The following RIOK2 variants were observed in gnomAD, a reference collection of about 807,000 sequenced individuals.
RIOK2 encodes the protein RIO kinase 2.
A neutral mutation model predicts 62.4 loss-of-function variants in RIOK2; 46 were observed. The ratio of observed to expected loss-of-function variants is 0.74; its 90% CI spans 0.58 to 0.94. The LOEUF (loss-of-function observed/expected upper bound fraction) is 0.94, where lower values mean the gene tolerates loss of function less well. Among genes scored for constraint, RIOK2 ranks in the 40% least tolerant of loss-of-function variants. RIOK2 has a pLI of 0.00. For missense variants in RIOK2, 574 were observed against 658.0 expected (o/e 0.87, Z 1.40); for synonymous variants, 197 against 216.0 (o/e 0.91, Z 0.77).
rs969227902 is a variant in RIOK2 at position 97,161,240 on chromosome 5, G to C, written c.*1821C>G. 5 of 152,026 alleles carry C rather than the reference G, an allele frequency of 3.3e-5. No homozygotes were observed. The highest frequency in any genetic ancestry group is 7.4e-5 in the Non-Finnish European group (5 of 68,000). 9.4% of individuals were successfully genotyped at this position (152,026 alleles called of 1,614,324 possible). ...AGTGTAGAACCAGGATTTAAATCTG[G>C]AACTCCTAGGCAAAAAAAAGTGTTT... On this transcript the variant is annotated 3_prime_UTR_variant, in exon 10 of 10. Coordinates refer to ENST00000283109, the MANE Select transcript of RIOK2 (RefSeq NM_018343.3).
chr5:97,177,349 C>T, intron 3 of RIOK2, 58 bp from the exon 4 acceptor site: 5 of 1,407,634 alleles, frequency 3.6e-6, no homozygotes, highest in Non-Finnish European at 4.8e-6. Context: ...TCAGTTAAAA[C>T]AATTCTAACT....
intron 4 of RIOK2, among the ~76,000 whole-genome samples, chr5:97,175,577 A>C (rs929478725): frequency 6.6e-6 from 1 of 152,216 alleles, no homozygotes; most frequent in African/African-American, 2.4e-5. Flanking sequence ...TACTGACTGA[A>C]TATTACAAGA....
At chr5:97,177,589 C>G (rs903857257) in intron 3 of RIOK2, 143 bp downstream of exon 3, 14 of 612,888 alleles carry the variant, frequency 2.3e-5, no homozygotes, top group Non-Finnish European at 2.8e-6. Context: ...TTAAGGACAC[C>G]TTCTGATTTG....
chr5:97,173,900 G>A (rs1206541734), intron 4 of RIOK2, among the ~76,000 whole-genome samples: 4 of 152,080 alleles, frequency 2.6e-5, no homozygotes, highest in Non-Finnish European at 5.9e-5. Context: ...TGTTTACAAA[G>A]CCCTGTTATT....
In RIOK2 at chr5:97,167,574, A is replaced by G. The variant is rs1467074066; in HGVS notation, c.1290T>C (p.Asp430=). ...KNRTENYNRQ[D]GQRVQGGVPA... is the part of the protein sequence containing the mutation. ...GGACTCCTCCTTGAACTCTCTGACC[A>G]TCTTGCCTGTTGTAATTTTCAGTTC... Residue 430 remains aspartate (D), a synonymous_variant, in exon 8 of 10, where the codon GAT becomes GAC. Coordinates refer to ENST00000283109, the MANE Select transcript of RIOK2 (RefSeq NM_018343.3). 6.2e-7 allele frequency: 1 copy of G among 1,614,214 alleles called. No homozygotes were observed.
chr5:97,183,057 A>T, intron 1 of RIOK2, 69 bp downstream of exon 1: 1 of 1,540,490 alleles, frequency 6.5e-7, no homozygotes, highest in South Asian at 1.1e-5. Context: ...ATCCCAGAAA[A>T]CTTGCAGGAA....
intron 5 of RIOK2, among the ~76,000 whole-genome samples, chr5:97,172,738 C>T (rs973184167): frequency 2.0e-5 from 3 of 152,186 alleles, no homozygotes; most frequent in African/African-American, 4.8e-5. Context: ...ATTAGTGAGA[C>T]TTTTCTTGAC....
Position 97,163,141 on chromosome 5 carries a change from T to G in RIOK2, c.1579A>C (p.Asn527His). ...TCCCTACGTTGCTTGGTAAATATAT[T>G]TGCTTCTCCTTTCTGCAATCGACGT... ...VRRRLQKGEANIFTKQRRENM... is the reference protein window; with the variant it reads ...VRRRLQKGEAHIFTKQRRENM... Residue 527 changes from asparagine to histidine, a missense_variant, in exon 10 of 10, where the codon AAT becomes CAT. Physicochemically the swap from Asn to His is moderately conservative, Grantham distance 68 (BLOSUM62 1). Coordinates refer to ENST00000283109, the MANE Select transcript of RIOK2 (RefSeq NM_018343.3). 1.2e-6 allele frequency: 2 copies of G among 1,613,708 alleles called. No individual in the cohort carries two copies. Among genetic ancestry groups the G allele is most frequent in the Non-Finnish European group, 1.7e-6 (2 of 1,179,834 alleles).
chr5:97,181,209 T>C (rs1395381129), intron 1 of RIOK2, among the ~76,000 whole-genome samples: 1 of 149,830 alleles, frequency 6.7e-6, no homozygotes, highest in African/African-American at 2.5e-5. Context: ...AAGGTGAAGG[T>C]TGCAGTGAGC....
In RIOK2 at chr5:97,182,783, G is replaced by GC. The variant is rs1279163770; in HGVS notation, c.66+342_66+343insG. The GC allele has an allele frequency of 2.1e-5, 5 of 236,210 alleles. 1 individual carries two copies. In the East Asian group the frequency reaches 4.1e-4, roughly 19 times the overall value. 14.6% of individuals were successfully genotyped at this position (236,210 alleles called of 1,614,324 possible). On this transcript the variant is annotated intron_variant, in intron 1 of 9. Coordinates refer to ENST00000283109, the MANE Select transcript of RIOK2 (RefSeq NM_018343.3). ...AAGTCAATATTATCAAATCTCGGGGGGGGGGGGGGGCTTAAACCTTTCACA... is the reference window on the plus strand; with the variant it reads ...AAGTCAATATTATCAAATCTCGGGGGCGGGGGGGGGGCTTAAACCTTTCACA...
At chr5:97,165,855 T>C (rs950191638) in intron 8 of RIOK2, among the ~76,000 whole-genome samples, 1 of 152,210 alleles carries the variant, frequency 6.6e-6, no homozygotes, top group Admixed American at 6.5e-5. Flanking sequence ...TGACTGGGCC[T>C]CAGGGTGCCA....
chr5:97,167,389 A>AAAAC, intron 8 of RIOK2, 78 bp downstream of exon 8: 1 of 1,535,894 alleles, frequency 6.5e-7, no homozygotes, highest in Non-Finnish European at 8.7e-7. Flanking sequence ...TCATTTGAAA[A>AAAAC]AAACATTCTT....
intron 7 of RIOK2, among the ~76,000 whole-genome samples, 153 bp downstream of exon 7, chr5:97,168,599 CAAGTTTTT>C (rs1052342979): frequency 4.9e-4 from 75 of 152,238 alleles, no homozygotes; most frequent in African/African-American, 1.8e-3. Flanking sequence ...CAGGTATTTT[CAAGTTTTT>C]AAGTTTCAGT....
intron 2 of RIOK2, among the ~76,000 whole-genome samples, chr5:97,178,535 ATGCAGTACCTACGTGCTCTTC>A (rs1267878578): frequency 2.0e-4 from 24 of 120,430 alleles, no homozygotes; most frequent in Admixed American, 5.9e-4. Flanking sequence ...ACCTGCTCTT[ATGCAGTACCTACGTGCTCTTC>A]TGCAGTACCT....
At chr5:97,166,532 A>C (rs1049276535) in intron 8 of RIOK2, among the ~76,000 whole-genome samples, 13 of 152,366 alleles carry the variant, frequency 8.5e-5, no homozygotes, top group South Asian at 4.1e-4. Flanking sequence ...TGAAATAAAT[A>C]AAACCAATAT....
At chr5:97,181,198 G>A (rs1416790680) in intron 1 of RIOK2, among the ~76,000 whole-genome samples, 1 of 148,966 alleles carries the variant, frequency 6.7e-6, no homozygotes, top group African/African-American at 2.5e-5. Flanking sequence ...CTTGAACCCA[G>A]AAGGTGAAGG....
At chr5:97,170,819 GATT>G (rs1748983212) in intron 6 of RIOK2, among the ~76,000 whole-genome samples, 1 of 152,044 alleles carries the variant, frequency 6.6e-6, no homozygotes, top group Admixed American at 6.6e-5. Flanking sequence ...ATGAAAAAAT[GATT>G]ATATTCTAAA....
intron 4 of RIOK2, 168 bp downstream of exon 4, chr5:97,176,948 A>G: frequency 1.7e-6 from 1 of 603,456 alleles, no homozygotes; most frequent in Non-Finnish European, 2.8e-6. Context: ...AAATCACTTA[A>G]AAGAGCCCAA....
chr5:97,175,059 AAAAT>A (rs78028300), intron 4 of RIOK2, among the ~76,000 whole-genome samples: 53 of 150,998 alleles, frequency 3.5e-4, no homozygotes, highest in African/African-American at 9.5e-4. Flanking sequence ...CCTTGTCTTG[AAAAT>A]AAATAAATAA....
Sources: allele counts gnomAD v4.1 joint callset (sites outside exome capture counted in the v4.1 genomes callset), GRCh38; gene constraint gnomAD v4.1.1; transcripts MANE v1.5; gene names NCBI Gene and HGNC (gene_info 2026-07-23, HGNC 2026-07-21).